SYT14: variants seen among roughly 807,000 people sequenced by gnomAD.
The protein encoded by SYT14 is synaptotagmin 14.
In SYT14, 32 loss-of-function variants were observed where a neutral mutation model predicts 74.2. The observed-to-expected ratio is 0.43, with a 90% CI of 0.33 to 0.58. The LOEUF (loss-of-function observed/expected upper bound fraction) is 0.58, where lower values mean the gene tolerates loss of function less well. Among genes scored for constraint, SYT14 ranks in the 20% least tolerant of loss-of-function variants. The pLI is 0.05. For synonymous variants in SYT14, 298 were observed against 337.7 expected (o/e 0.88, Z 1.29); for missense variants, 791 against 981.8 (o/e 0.81, Z 2.60).
Position 210,108,603 on chromosome 1 carries a change from TAAATACTAATGC to T in SYT14, c.2034+8147_2034+8158del, listed in dbSNP as rs1421303783. Among the ~76,000 whole-genome samples the T allele has an allele frequency of 2.3e-4, 35 of 151,842 alleles. 1 individual carries two copies. Among genetic ancestry groups the T allele is most frequent in the Admixed American group, 2.2e-3 (34 of 15,250 alleles). ...AGGTGAGGAGAGCCTTGGGCATGTT[TAAATACTAATGC>T]AAATGATTTGATTAAAAAAAAAAAG... On this transcript the variant is annotated intron_variant, in intron 7 of 9. Transcript: ENST00000637265.
chr1:209,939,612 C>T (rs570933196), intron 1 of SYT14, among the ~76,000 whole-genome samples: 8 of 152,274 alleles, frequency 5.3e-5, no homozygotes, highest in African/African-American at 1.7e-4. Context: ...CATTTGTTTC[C>T]CTCACTGTCC....
At chr1:210,073,782 C>T (rs1447298671) in intron 5 of SYT14, among the ~76,000 whole-genome samples, 1 of 151,792 alleles carries the variant, frequency 6.6e-6, no homozygotes, top group East Asian at 1.9e-4. Flanking sequence ...TTATACACAA[C>T]AAAAAATGTA....
At position 210,139,060 on chromosome 1, in the gene SYT14, T is replaced by C. The variant is rs77446089; in HGVS notation, c.2035-16661T>C. Among the ~76,000 whole-genome samples, 154 of 150,134 alleles carry C rather than the reference T, an allele frequency of 1.0e-3. 5 individuals are homozygous for C. In the East Asian group the frequency reaches 0.021, roughly 20 times the overall value. The stretch of plus-strand genomic sequence containing the variant: ...CTGTTTCATGTATTTGAACGTGGAA[T>C]AAGATTTTATTTTTTTAAAGAGTAC... On this transcript the variant is annotated intron_variant, in intron 7 of 9. Coordinates refer to ENST00000637265, the Ensembl canonical transcript of SYT14.
intron 7 of SYT14, among the ~76,000 whole-genome samples, chr1:210,136,048 A>G (rs1281944959): frequency 6.6e-6 from 1 of 152,194 alleles, no homozygotes; most frequent in East Asian, 1.9e-4. Flanking sequence ...ATATTTAAAT[A>G]TGGCTGAGAC....
intron 2 of SYT14, chr1:209,965,949 C>A (rs986299022): frequency 6.6e-6 from 3 of 454,916 alleles, no homozygotes; most frequent in African/African-American, 6.0e-5. Flanking sequence ...TGGCTCACTG[C>A]AACTTCCGCC....
intron 5 of SYT14, among the ~76,000 whole-genome samples, chr1:210,067,348 C>G (rs890915544): frequency 6.6e-6 from 1 of 151,956 alleles, no homozygotes; most frequent in Non-Finnish European, 1.5e-5. Flanking sequence ...GTCTGAGATC[C>G]TTATGGAGAT....
At chr1:210,158,304 GCC>G (rs1400156378) in intron 8 of SYT14, among the ~76,000 whole-genome samples, 3 of 152,110 alleles carry the variant, frequency 2.0e-5, no homozygotes, top group Non-Finnish European at 4.4e-5. Flanking sequence ...AGATGGTGAG[GCC>G]TGTGACAAAC....
chr1:210,142,925 G>A (rs1382942159), intron 7 of SYT14, among the ~76,000 whole-genome samples: 1 of 152,188 alleles, frequency 6.6e-6, no homozygotes, highest in Non-Finnish European at 1.5e-5. Context: ...TATCACTTGA[G>A]AGGACATGAA....
chr1:209,984,107 A>G (rs557972270), intron 2 of SYT14, among the ~76,000 whole-genome samples: 1 of 152,328 alleles, frequency 6.6e-6, no homozygotes, highest in Admixed American at 6.5e-5. Context: ...GGCAGCCAAA[A>G]CAAAGGCAGG....
chr1:210,116,266 G>C (rs1396173503), intron 7 of SYT14, among the ~76,000 whole-genome samples: 1 of 152,278 alleles, frequency 6.6e-6, no homozygotes, highest in East Asian at 1.9e-4. Flanking sequence ...CATAGGGTAT[G>C]TATATTATCT....
At chr1:210,142,595 A>T (rs2082939232) in intron 7 of SYT14, among the ~76,000 whole-genome samples, 1 of 152,164 alleles carries the variant, frequency 6.6e-6, no homozygotes, top group Admixed American at 6.5e-5. Context: ...TGATGAGCTG[A>T]TCCAAAATGG....
intron 2 of SYT14, among the ~76,000 whole-genome samples, chr1:209,971,472 G>A (rs1370577746): frequency 6.6e-6 from 1 of 152,132 alleles, no homozygotes. Context: ...AGTTCTCAAG[G>A]GGAATTGTTC....
intron 2 of SYT14, among the ~76,000 whole-genome samples, chr1:210,006,522 G>A (rs2079990989): frequency 6.6e-6 from 1 of 151,796 alleles, no homozygotes; most frequent in South Asian, 2.1e-4. Context: ...GACTTTGATA[G>A]TTCACATTTT....
chr1:210,085,382 G>C (rs549504828), intron 5 of SYT14, among the ~76,000 whole-genome samples: 1 of 151,956 alleles, frequency 6.6e-6, no homozygotes, highest in African/African-American at 2.4e-5. Flanking sequence ...TCCCCTTATT[G>C]CCCTGGCTAG....
intron 5 of SYT14, among the ~76,000 whole-genome samples, chr1:210,079,717 G>A (rs1449288544): frequency 6.6e-6 from 1 of 152,160 alleles, no homozygotes; most frequent in Non-Finnish European, 1.5e-5. Context: ...TTGGACAGTA[G>A]GCAGGGCAGG....
intron 5 of SYT14, among the ~76,000 whole-genome samples, chr1:210,053,226 A>C (rs1016953556): frequency 7.2e-5 from 11 of 152,164 alleles, no homozygotes; most frequent in African/African-American, 2.7e-4. Flanking sequence ...ATGCCACTGT[A>C]ATTTTATTTT....
chr1:210,157,204 G>A (rs143817874), intron 8 of SYT14, among the ~76,000 whole-genome samples: 2,231 of 152,092 alleles, frequency 0.015, 21 homozygotes, highest in Non-Finnish European at 0.016. Flanking sequence ...CACTTTAGGA[G>A]GCTGAGGCGG....
At chr1:210,148,052 C>CA (rs1233448208) in intron 7 of SYT14, among the ~76,000 whole-genome samples, 1 of 151,928 alleles carries the variant, frequency 6.6e-6, no homozygotes, top group Non-Finnish European at 1.5e-5. Flanking sequence ...TCCAACCCAC[C>CA]AAAATCTATA....
At chr1:209,963,352 CA>C (rs1198987432) in intron 2 of SYT14, among the ~76,000 whole-genome samples, 1 of 152,094 alleles carries the variant, frequency 6.6e-6, no homozygotes, top group Non-Finnish European at 1.5e-5. Flanking sequence ...GTCCCATTGC[CA>C]ATTTAGTTTA....
Sources: gnomAD v4.1 joint callset for allele counts (sites outside exome capture counted in the v4.1 genomes callset) on GRCh38, gnomAD v4.1.1 for gene constraint, MANE v1.5 for transcripts, NCBI Gene and HGNC (gene_info 2026-07-23, HGNC 2026-07-21) for gene names.